The following USH2A variants were observed in gnomAD, a reference collection of about 807,000 sequenced individuals.
The protein encoded by USH2A is Usher syndrome 2A (autosomal recessive, mild).
A neutral mutation model predicts 538.9 loss-of-function variants in USH2A; 443 were observed. The ratio of observed to expected loss-of-function variants is 0.82; its 90% CI spans 0.76 to 0.89. USH2A has a LOEUF of 0.89. USH2A is among the 40% of genes least tolerant of loss of function. USH2A has a pLI of 0.00. For synonymous variants in USH2A, 2,413 were observed against 2,273.5 expected, an observed-to-expected ratio of 1.06 and a Z score of -1.75; for missense variants, 6,633 against 6,324.8, an observed-to-expected ratio of 1.05 and a Z score of -1.65.
chr1:216,272,639 A>C (rs767895769), intron 11 of USH2A, among the ~76,000 whole-genome samples: 11 of 152,032 alleles, frequency 7.2e-5, no homozygotes, highest in Non-Finnish European at 1.2e-4. Context: ...GCTCATTTTT[A>C]GTTCCTTTCT....
At chr1:216,390,531 G>T (rs1009415675) in intron 3 of USH2A, among the ~76,000 whole-genome samples, 2 of 151,726 alleles carry the variant, frequency 1.3e-5, no homozygotes, top group African/African-American at 2.4e-5. Flanking sequence ...TAATGTTTTG[G>T]GTTACATGCA....
intron 4 of USH2A, among the ~76,000 whole-genome samples, chr1:216,334,523 T>C (rs1376804254): frequency 6.6e-6 from 1 of 151,812 alleles, no homozygotes; most frequent in Non-Finnish European, 1.5e-5. Context: ...AATCAAAAAG[T>C]AGATATTTAC....
intron 16 of USH2A, among the ~76,000 whole-genome samples, chr1:216,202,925 C>T (rs750423396): frequency 5.1e-4 from 78 of 152,242 alleles, no homozygotes; most frequent in Non-Finnish European, 9.6e-4. Flanking sequence ...GTTTACTCTG[C>T]TTCAACATTT....
chr1:215,631,234 G>T (rs1656274574), intron 70 of USH2A, among the ~76,000 whole-genome samples: 1 of 151,554 alleles, frequency 6.6e-6, no homozygotes, highest in Non-Finnish European at 1.5e-5. Context: ...AGAAGTGTGT[G>T]TGTGTGTGTG....
intron 43 of USH2A, among the ~76,000 whole-genome samples, chr1:215,870,475 T>TTAGTAGAGAC (rs1664598174): frequency 6.7e-6 from 1 of 150,244 alleles, no homozygotes; most frequent in African/African-American, 2.4e-5. Context: ...TTTTTTTTTT[T>TTAGTAGAGAC]TAGTAGAGAC....
At chr1:216,091,117 T>A in intron 22 of USH2A, among the ~76,000 whole-genome samples, 1 of 152,322 alleles carries the variant, frequency 6.6e-6, no homozygotes, top group African/African-American at 2.4e-5. Flanking sequence ...TTTTGAAGAC[T>A]ATTTTAAGAT....
At chr1:216,309,290 T>C (rs544709652) in intron 9 of USH2A, among the ~76,000 whole-genome samples, 5 of 152,312 alleles carry the variant, frequency 3.3e-5, no homozygotes, top group East Asian at 1.9e-4. Context: ...TTTTGAAATA[T>C]AACATAAAAA....
At chr1:215,871,344 C>A (rs925908479) in intron 43 of USH2A, among the ~76,000 whole-genome samples, 2 of 152,056 alleles carry the variant, frequency 1.3e-5, no homozygotes, top group Non-Finnish European at 2.9e-5. Flanking sequence ...TTAAATGATG[C>A]AGTTTTAATT....
Position 216,200,134 on chromosome 1 carries a change from GAAA to G in USH2A, c.3317-16_3317-14del. ...AAGTATTGAATACCTGAAATGAAAA[GAAA>G]AAAAAAAAACAAAGTTACATTTCAC... On this transcript the variant is annotated splice_polypyrimidine_tract_variant and intron_variant, in intron 16 of 71. Coordinates refer to ENST00000307340, the MANE Select transcript of USH2A (RefSeq NM_206933.4). The G allele has an allele frequency of 7.8e-7, 1 of 1,281,512 alleles. No homozygotes were observed. The highest frequency in any genetic ancestry group is 1.1e-6 in the Non-Finnish European group (1 of 947,444). The allele number at this position is 1,281,512 out of a possible 1,614,324, so 79.4% of individuals were successfully genotyped here.
At chr1:215,867,209 T>C in intron 43 of USH2A, 39 bp from the exon 44 acceptor site, 1 of 1,598,218 alleles carries the variant, frequency 6.3e-7, no homozygotes, top group Non-Finnish European at 8.6e-7. Context: ...TATGAATTTC[T>C]ACTTTACAGA....
chr1:215,667,764 A>G (rs1392528571), intron 64 of USH2A, among the ~76,000 whole-genome samples: 1 of 152,114 alleles, frequency 6.6e-6, no homozygotes. Flanking sequence ...AAAACAAAAG[A>G]ACTTATCCAT....
chr1:216,307,870 C>T (rs2037346828), intron 9 of USH2A, among the ~76,000 whole-genome samples: 1 of 152,206 alleles, frequency 6.6e-6, no homozygotes, highest in Non-Finnish European at 1.5e-5. Flanking sequence ...CCCAGGAAGG[C>T]TATGTGTTCA....
intron 56 of USH2A, among the ~76,000 whole-genome samples, chr1:215,761,257 G>T (rs1660974275): frequency 6.6e-6 from 1 of 152,138 alleles, no homozygotes; most frequent in Non-Finnish European, 1.5e-5. Flanking sequence ...TCATAGTTCA[G>T]TTACTTGTGT....
chr1:215,782,607 A>G, intron 53 of USH2A, 131 bp downstream of exon 53: 1 of 978,796 alleles, frequency 1.0e-6, no homozygotes. Context: ...ACATAATTAC[A>G]GTTCCCTTTA....
chr1:216,150,894 A>G (rs648564), intron 21 of USH2A, among the ~76,000 whole-genome samples: 94,791 of 151,810 alleles, frequency 0.62, 29,750 homozygotes, highest in East Asian at 0.79. Context: ...ACATCACTGA[A>G]ACAATTGGAG....
intron 61 of USH2A, among the ~76,000 whole-genome samples, chr1:215,722,456 A>C (rs903242144): frequency 6.6e-6 from 1 of 152,222 alleles, no homozygotes; most frequent in African/African-American, 2.4e-5. Context: ...ATTAAAAATA[A>C]ATTTATCAAT....
chr1:215,843,087 G>C (rs959990519), intron 46 of USH2A, among the ~76,000 whole-genome samples: 3 of 152,102 alleles, frequency 2.0e-5, no homozygotes, highest in African/African-American at 7.2e-5. Context: ...GAGTAGGGGA[G>C]ACTAAAGTGT....
chr1:215,779,163 G>A (rs541264334), intron 55 of USH2A, among the ~76,000 whole-genome samples: 5 of 152,190 alleles, frequency 3.3e-5, no homozygotes, highest in Non-Finnish European at 7.3e-5. Flanking sequence ...ACAAAGTGAT[G>A]TGGTGGTGTG....
chr1:215,714,971 C>A (rs1331760583), intron 61 of USH2A, among the ~76,000 whole-genome samples: 1 of 152,152 alleles, frequency 6.6e-6, no homozygotes, highest in Non-Finnish European at 1.5e-5. Flanking sequence ...ATAGGGATGA[C>A]AGAAATTATA....
Sources: allele counts gnomAD v4.1 joint callset (sites outside exome capture counted in the v4.1 genomes callset), GRCh38; gene constraint gnomAD v4.1.1; transcripts MANE v1.5; gene names NCBI Gene and HGNC (gene_info 2026-07-23, HGNC 2026-07-21).